Variants in PARL observed in about 807,000 individuals in gnomAD.
PARL encodes the protein presenilin-associated rhomboid-like protein, mitochondrial.
Under a neutral mutation model 51.6 loss-of-function variants are expected in PARL, and 44 were observed. That is an observed-to-expected ratio of 0.85 (90% confidence interval 0.67 to 1.10). The LOEUF is 1.10. Among genes scored for constraint, PARL ranks in the 50% least tolerant of loss-of-function variants. The pLI is 0.00. For missense variants in PARL, 441 were observed against 469.5 expected, an observed-to-expected ratio of 0.94 and a Z score of 0.56; for synonymous variants, 172 against 164.0, an observed-to-expected ratio of 1.05 and a Z score of -0.37.
chr3:183,837,250 T>G (rs1728721578), intron 7 of PARL, among the ~76,000 whole-genome samples: 1 of 152,150 alleles, frequency 6.6e-6, no homozygotes, highest in Non-Finnish European at 1.5e-5. Context: ...AAGCCTGAGA[T>G]TCAATCAATG....
intron 4 of PARL, among the ~76,000 whole-genome samples, chr3:183,853,292 G>A (rs866924733): frequency 6.6e-6 from 1 of 151,796 alleles, no homozygotes; most frequent in African/African-American, 2.4e-5. Context: ...GCGGGTGCAA[G>A]TGGCTCATGC....
At chr3:183,873,372 G>A (rs1733431330) in intron 1 of PARL, among the ~76,000 whole-genome samples, 1 of 151,956 alleles carries the variant, frequency 6.6e-6, no homozygotes, top group African/African-American at 2.4e-5. Flanking sequence ...TGGGCGTGGT[G>A]GCGCACGCCT....
At chr3:183,827,359 T>A (rs778829371), downstream of PARL, among the ~76,000 whole-genome samples, 3 of 151,948 alleles carry the variant, frequency 2.0e-5, no homozygotes, top group Non-Finnish European at 4.4e-5. Flanking sequence ...AGGCTGAGGC[T>A]TGAGCCCAGG....
chr3:183,849,724 G>A (rs929308110), intron 4 of PARL, among the ~76,000 whole-genome samples: 1 of 151,788 alleles, frequency 6.6e-6, no homozygotes, highest in African/African-American at 2.4e-5. Context: ...CAATAAAATT[G>A]ACAAACTTTT....
chr3:183,849,081 CAAT>C (rs1730276738), intron 4 of PARL, among the ~76,000 whole-genome samples: 1 of 152,080 alleles, frequency 6.6e-6, no homozygotes, highest in Non-Finnish European at 1.5e-5. Context: ...GAATAAATAA[CAAT>C]AATAGCTGGA....
At chr3:183,865,435 G>A (rs1048089022) in intron 3 of PARL, among the ~76,000 whole-genome samples, 10 of 152,188 alleles carry the variant, frequency 6.6e-5, no homozygotes, top group African/African-American at 2.2e-4. Context: ...CTAGTGGTCC[G>A]TGGCCTGTTA....
intron 1 of PARL, among the ~76,000 whole-genome samples, chr3:183,872,251 C>T (rs1295846568): frequency 6.6e-6 from 1 of 152,196 alleles, no homozygotes; most frequent in Non-Finnish European, 1.5e-5. Context: ...ATCCACCCGC[C>T]TCGGCCTCCC....
At position 183,842,294 on chromosome 3, in the gene PARL, T is replaced by G. The variant is rs780298019; in HGVS notation, c.757+4A>C. On this transcript the variant is annotated splice_donor_region_variant and intron_variant, in intron 6 of 9. Coordinates refer to ENST00000317096, the MANE Select transcript of PARL (RefSeq NM_018622.7). ...TCAAAGGCCCCGAGATTAAAGCATATTACCTGCAGATAGGTACACTGCCAT... is the reference window on the plus strand; with the variant it reads ...TCAAAGGCCCCGAGATTAAAGCATAGTACCTGCAGATAGGTACACTGCCAT... The G allele has an allele frequency of 6.2e-7, 1 of 1,612,044 alleles. No individual in the cohort carries two copies. Among genetic ancestry groups the G allele is most frequent in the Non-Finnish European group, 8.5e-7 (1 of 1,179,664 alleles).
downstream of PARL, among the ~76,000 whole-genome samples, chr3:183,827,026 G>A (rs1202948919): frequency 2.0e-5 from 3 of 152,094 alleles, no homozygotes; most frequent in African/African-American, 7.2e-5. Context: ...AGGCAGGCTG[G>A]GGAAAGCTGG....
chr3:183,858,661 G>T (rs1731434650), intron 4 of PARL, among the ~76,000 whole-genome samples: 1 of 152,264 alleles, frequency 6.6e-6, no homozygotes, highest in African/African-American at 2.4e-5. Flanking sequence ...GCTAGAAAGG[G>T]AGGAGAAAAT....
At chr3:183,841,632 T>C (rs1324695343) in intron 6 of PARL, among the ~76,000 whole-genome samples, 1 of 152,232 alleles carries the variant, frequency 6.6e-6, no homozygotes, top group African/African-American at 2.4e-5. Context: ...TTTTATATTG[T>C]ATTAAGTAAG....
At chr3:183,859,151 A>G (rs1369067772) in intron 4 of PARL, among the ~76,000 whole-genome samples, 1 of 151,940 alleles carries the variant, frequency 6.6e-6, no homozygotes, top group Non-Finnish European at 1.5e-5. Flanking sequence ...TAAAAATACA[A>G]AAAAATTAGC....
chr3:183,879,879 AT>A lies in PARL; in HGVS notation c.125+4842del, dbSNP rs532111761. On this transcript the variant is annotated intron_variant, in intron 1 of 9. Coordinates refer to ENST00000317096, the MANE Select transcript of PARL (RefSeq NM_018622.7). The stretch of plus-strand genomic sequence containing the variant: ...TTACAGATGCCTGCCACCAGGACTG[AT>A]TTTTTTTTTTTTTTTTTTTTTTGTA... 9.0e-3 allele frequency: 1,177 copies of A among 131,228 alleles called. 15 individuals carry two copies. Among genetic ancestry groups the A allele is most frequent in the African/African-American group, 0.027 (945 of 34,928 alleles). The allele number at this position is 131,228 out of a possible 1,614,324, so 8.1% of individuals were successfully genotyped here.
chr3:183,878,313 T>C (rs1010718848), intron 1 of PARL, among the ~76,000 whole-genome samples: 18 of 152,152 alleles, frequency 1.2e-4, no homozygotes, highest in Admixed American at 1.2e-3. Context: ...CCTTGCACAA[T>C]ATTACTTCCA....
At chr3:183,843,235 C>G in intron 5 of PARL, 1 of 985,288 alleles carries the variant, frequency 1.0e-6, no homozygotes, top group South Asian at 4.7e-5. Context: ...AATCTCTTTT[C>G]TACTTAGTAA....
At chr3:183,871,377 C>T (rs536083663) in intron 1 of PARL, among the ~76,000 whole-genome samples, 3 of 152,086 alleles carry the variant, frequency 2.0e-5, no homozygotes, top group South Asian at 2.1e-4. Flanking sequence ...AGATAAGAGA[C>T]GAACAATTCC....
intron 1 of PARL, among the ~76,000 whole-genome samples, chr3:183,879,187 C>G (rs1222407782): frequency 6.6e-6 from 1 of 152,218 alleles, no homozygotes; most frequent in African/African-American, 2.4e-5. Flanking sequence ...TCTAGAATTT[C>G]CAGCCATTTC....
downstream of PARL, chr3:183,826,496 C>T: frequency 2.1e-6 from 1 of 466,656 alleles, no homozygotes; most frequent in Non-Finnish European, 2.8e-6. Flanking sequence ...GCATTAATTA[C>T]CCAGAGCTCC....
chr3:183,857,898 A>G (rs923352059), intron 4 of PARL, among the ~76,000 whole-genome samples: 1 of 152,196 alleles, frequency 6.6e-6, no homozygotes, highest in Non-Finnish European at 1.5e-5. Context: ...CTATTCTAGA[A>G]AAGTGAAAAG....
Sources: gnomAD v4.1 joint callset for allele counts (sites outside exome capture counted in the v4.1 genomes callset) on GRCh38, gnomAD v4.1.1 for gene constraint, MANE v1.5 for transcripts, NCBI Gene and HGNC (gene_info 2026-07-23, HGNC 2026-07-21) for gene names.